The following ST8SIA4 variants were observed in gnomAD, a reference collection of about 807,000 sequenced individuals.
The protein encoded by ST8SIA4 is CMP-N-acetylneuraminate-poly-alpha-2,8-sialyltransferase.
ST8SIA4 carries 15 observed loss-of-function variants against 33.9 expected under a neutral mutation model. That is an observed-to-expected ratio of 0.44 (90% confidence interval 0.30 to 0.68). The LOEUF is 0.68. Among genes scored for constraint, ST8SIA4 ranks in the 30% least tolerant of loss-of-function variants. ST8SIA4 has a pLI of 0.10. For missense variants in ST8SIA4, 321 were observed against 428.0 expected, an observed-to-expected ratio of 0.75 and a Z score of 2.21; for synonymous variants, 171 against 151.2, an observed-to-expected ratio of 1.13 and a Z score of -0.96.
chr5:100,879,661 T>C (rs1752375330), intron 3 of ST8SIA4, among the ~76,000 whole-genome samples: 1 of 152,188 alleles, frequency 6.6e-6, no homozygotes, highest in Non-Finnish European at 1.5e-5. Context: ...TTTCATAAGA[T>C]ACATTCTATA....
chr5:100,894,190 C>T (rs1337186249), intron 2 of ST8SIA4, among the ~76,000 whole-genome samples: 1 of 152,072 alleles, frequency 6.6e-6, no homozygotes, highest in African/African-American at 2.4e-5. Context: ...TCAGCTTTAA[C>T]CAGCTAAACC....
rs1275195244 is a variant in ST8SIA4 at position 100,808,382 on chromosome 5, C to CTGTG, written c.*3461_*3464dup. The CTGTG allele has an allele frequency of 1.3e-5, 2 of 152,652 alleles. No homozygotes were observed. The highest frequency in any genetic ancestry group is 2.9e-5 in the Non-Finnish European group (2 of 68,036). The allele number at this position is 152,652 out of a possible 1,614,324, so 9.5% of individuals were successfully genotyped here. ...AACTTCCGCAGTAGTTTCAACAGTC[C>CTGTG]TGTGGGCTGAATCATTAGATTTGCC... On this transcript the variant is annotated 3_prime_UTR_variant, in exon 5 of 5. Coordinates refer to ENST00000231461, the MANE Select transcript of ST8SIA4 (RefSeq NM_005668.6).
chr5:100,886,624 T>C, intron 2 of ST8SIA4, 24 bp from the exon 3 acceptor site: 1 of 1,581,056 alleles, frequency 6.3e-7, no homozygotes, highest in South Asian at 1.1e-5. Flanking sequence ...ACAAGCAAAG[T>C]TTTACATTAC....
chr5:100,856,484 A>G, intron 3 of ST8SIA4, 88 bp from the exon 4 acceptor site: 1 of 1,303,498 alleles, frequency 7.7e-7, no homozygotes, highest in Non-Finnish European at 1.0e-6. Context: ...AATGGGAAAT[A>G]AGCATTTTTT....
chr5:100,895,179 A>G (rs558819911), intron 2 of ST8SIA4, among the ~76,000 whole-genome samples: 1 of 152,166 alleles, frequency 6.6e-6, no homozygotes, highest in Admixed American at 6.5e-5. Flanking sequence ...ATTTTTATCC[A>G]ATTTTTAAAA....
chr5:100,889,949 T>C (rs1294837055), intron 2 of ST8SIA4, among the ~76,000 whole-genome samples: 1 of 151,860 alleles, frequency 6.6e-6, no homozygotes, highest in East Asian at 1.9e-4. Context: ...AGGCAAAACT[T>C]GGAATTCGAT....
intron 1 of ST8SIA4, among the ~76,000 whole-genome samples, chr5:100,898,890 G>A (rs1338023524): frequency 1.3e-5 from 2 of 152,118 alleles, no homozygotes. Context: ...ACACATCAAC[G>A]AAATCACTCC....
intron 4 of ST8SIA4, among the ~76,000 whole-genome samples, chr5:100,839,283 T>C (rs72778613): frequency 0.23 from 35,299 of 151,960 alleles, 5,150 homozygotes; most frequent in Non-Finnish European, 0.32. Context: ...ATTTCAAATG[T>C]ACATAGTTTG....
At position 100,837,448 on chromosome 5, in the gene ST8SIA4, C is replaced by T. The variant is rs548752209; in HGVS notation, c.797+18655G>A. 2.5e-4 allele frequency among the ~76,000 whole-genome samples: 38 copies of T among 151,990 alleles called. No homozygotes were observed. In the Middle Eastern group the frequency reaches 0.01, roughly 41 times the overall value. On this transcript the variant is annotated intron_variant, in intron 4 of 4. Transcript: ENST00000231461. ...GAGATAGACATTTCTGATTGAGGTGCCAGTGTGATAGAAATGATTTCATTT... is the reference window on the plus strand; with the variant it reads ...GAGATAGACATTTCTGATTGAGGTGTCAGTGTGATAGAAATGATTTCATTT...
intron 4 of ST8SIA4, among the ~76,000 whole-genome samples, chr5:100,813,479 A>G (rs971545198): frequency 1.3e-5 from 2 of 152,064 alleles, no homozygotes; most frequent in Admixed American, 6.6e-5. Flanking sequence ...TTTTGAGAAC[A>G]TCTGTTCTCA....
chr5:100,853,049 A>G (rs1751738755), intron 4 of ST8SIA4, among the ~76,000 whole-genome samples: 1 of 152,240 alleles, frequency 6.6e-6, no homozygotes, highest in Admixed American at 6.5e-5. Context: ...AACAGAGGAT[A>G]TGAAACTTCT....
At chr5:100,851,841 A>C (rs971362290) in intron 4 of ST8SIA4, among the ~76,000 whole-genome samples, 1 of 152,072 alleles carries the variant, frequency 6.6e-6, no homozygotes, top group African/African-American at 2.4e-5. Flanking sequence ...ATTACTAGTC[A>C]AATTAAAGTA....
chr5:100,838,634 T>C (rs1048727166), intron 4 of ST8SIA4, among the ~76,000 whole-genome samples: 9 of 140,970 alleles, frequency 6.4e-5, no homozygotes, highest in African/African-American at 1.9e-4. Context: ...TTAAATTAAA[T>C]ATCAAATTAA....
intron 2 of ST8SIA4, among the ~76,000 whole-genome samples, chr5:100,890,116 A>G (rs1031884644): frequency 2.6e-5 from 4 of 151,910 alleles, no homozygotes; most frequent in Non-Finnish European, 2.9e-5. Flanking sequence ...TATAGGATCC[A>G]AGAAAGACTG....
chr5:100,826,480 C>G (rs965026100), intron 4 of ST8SIA4, among the ~76,000 whole-genome samples: 2 of 147,950 alleles, frequency 1.4e-5, no homozygotes, highest in East Asian at 3.9e-4. Context: ...TACTTGGGGC[C>G]AAAAAAAAAT....
At chr5:100,828,759 T>C (rs1208123577) in intron 4 of ST8SIA4, among the ~76,000 whole-genome samples, 1 of 152,170 alleles carries the variant, frequency 6.6e-6, no homozygotes. Context: ...GAACAAGCAT[T>C]GGTTCAAGTC....
intron 3 of ST8SIA4, among the ~76,000 whole-genome samples, chr5:100,873,816 T>C (rs911421216): frequency 6.6e-6 from 1 of 152,162 alleles, no homozygotes; most frequent in Non-Finnish European, 1.5e-5. Flanking sequence ...TTAGGAAATA[T>C]ATGAATATTT....
chr5:100,900,482 G>A (rs1463116342), intron 1 of ST8SIA4: 4 of 456,248 alleles, frequency 8.8e-6, no homozygotes, highest in South Asian at 3.1e-5. Flanking sequence ...GAGTTGAAAC[G>A]AAATAATGAG....
intron 4 of ST8SIA4, among the ~76,000 whole-genome samples, chr5:100,817,820 G>T (rs1750960704): frequency 6.6e-6 from 1 of 152,150 alleles, no homozygotes; most frequent in Non-Finnish European, 1.5e-5. Flanking sequence ...ATAAGTGATA[G>T]ATCTTAAATC....
Sources: gnomAD v4.1 joint callset for allele counts (sites outside exome capture counted in the v4.1 genomes callset) on GRCh38, gnomAD v4.1.1 for gene constraint, MANE v1.5 for transcripts, NCBI Gene and HGNC (gene_info 2026-07-23, HGNC 2026-07-21) for gene names.